ZC3H7B: variants seen among roughly 807,000 people sequenced by gnomAD.
ZC3H7B encodes zinc finger CCCH-type containing 7B.
In ZC3H7B, 35 loss-of-function variants were observed where a neutral mutation model predicts 116.0. The observed-to-expected ratio is 0.30, with a 90% CI of 0.23 to 0.40. The LOEUF (loss-of-function observed/expected upper bound fraction) is 0.40, where lower values mean the gene tolerates loss of function less well. Ranked by LOEUF, ZC3H7B falls within the 10% of genes least tolerant of loss-of-function variation. The pLI is 1.00. For missense variants in ZC3H7B, 1,011 were observed against 1,321.5 expected, an observed-to-expected ratio of 0.77 and a Z score of 3.64; for synonymous variants, 502 against 545.6, an observed-to-expected ratio of 0.92 and a Z score of 1.11.
chr22:41,341,784 C>T (rs2036525937), intron 11 of ZC3H7B, among the ~76,000 whole-genome samples: 1 of 151,614 alleles, frequency 6.6e-6, no homozygotes, highest in African/African-American at 2.4e-5. Context: ...TGATGAGGGG[C>T]CAGGCGTGGT....
In ZC3H7B at chr22:41,348,172, G is replaced by C; in HGVS notation, c.1766+5G>C. The stretch of plus-strand genomic sequence containing the variant: ...GCACAGCTTCTACAACAACAAGTGA[G>C]TGGGACCCTCAGCCCAGGCTGAGGC... On this transcript the variant is annotated splice_donor_5th_base_variant and intron_variant, in intron 15 of 22. Transcript: ENST00000352645. 1 of 1,613,416 alleles carries C rather than the reference G, an allele frequency of 6.2e-7. No individual in the cohort carries two copies. The highest frequency in any genetic ancestry group is 8.5e-7 in the Non-Finnish European group (1 of 1,179,606).
At chr22:41,321,633 G>C (rs2036257592) in intron 2 of ZC3H7B, among the ~76,000 whole-genome samples, 1 of 151,820 alleles carries the variant, frequency 6.6e-6, no homozygotes, top group African/African-American at 2.4e-5. Context: ...TTACAGACAT[G>C]AGTCACTGTG....
chr22:41,314,238 C>T (rs1374330097), intron 1 of ZC3H7B, among the ~76,000 whole-genome samples: 1 of 151,616 alleles, frequency 6.6e-6, no homozygotes, highest in Admixed American at 6.6e-5. Flanking sequence ...CTCACTGCAA[C>T]CTCTGCCTCC....
chr22:41,334,536 A>AG (rs3215566), intron 7 of ZC3H7B: 64,199 of 152,196 alleles, frequency 0.42, 16,430 homozygotes, highest in African/African-American at 0.69. Flanking sequence ...AGAGGTCAGG[A>AG]GGGCATGGTT....
chr22:41,321,524 A>AT (rs1889279580), intron 2 of ZC3H7B, among the ~76,000 whole-genome samples: 1 of 149,876 alleles, frequency 6.7e-6, no homozygotes, highest in African/African-American at 2.5e-5. Context: ...CATTTAAAAA[A>AT]TTTTTTTGTA....
At position 41,351,997 on chromosome 22, in the gene ZC3H7B, A is replaced by AT. The variant is rs1250303719; in HGVS notation, c.2034+357dup. On this transcript the variant is annotated intron_variant, in intron 17 of 22. Coordinates refer to ENST00000352645, the MANE Select transcript of ZC3H7B (RefSeq NM_017590.6). The surrounding 1 kb of genome is among the most constrained non-coding windows in gnomAD (Gnocchi z 5.1). ...ACCACCACACCTGGCTGATTTGTCTATTTTTTAAGACCGTGGGTCTGGGGA... is the reference window on the plus strand; with the variant it reads ...ACCACCACACCTGGCTGATTTGTCTATTTTTTTAAGACCGTGGGTCTGGGGA... 1.3e-5 allele frequency among the ~76,000 whole-genome samples: 2 copies of AT among 151,800 alleles called. No individual in the cohort carries two copies. Among genetic ancestry groups the AT allele is most frequent in the East Asian group, 3.9e-4 (2 of 5,156 alleles).
Position 41,340,284 on chromosome 22 carries a change from G to A in ZC3H7B, c.1138+147G>A, listed in dbSNP as rs139108669. On this transcript the variant is annotated intron_variant, in intron 10 of 22. Transcript: ENST00000352645. ...TCCCAGGCCATGTCTGTGTGTTGCCGTCTCTGCAGTGCTCAGCACAGTGTG... is the reference window on the plus strand; with the variant it reads ...TCCCAGGCCATGTCTGTGTGTTGCCATCTCTGCAGTGCTCAGCACAGTGTG... 1.4e-4 allele frequency: 127 copies of A among 886,862 alleles called. No individual in the cohort carries two copies. In the Middle Eastern group the frequency reaches 3.9e-3, roughly 27 times the overall value. The allele number at this position is 886,862 out of a possible 1,614,324, so 54.9% of individuals were successfully genotyped here. A position where few individuals can be genotyped will look rare whatever the true frequency, so the allele number is the denominator to read the frequency against.
intron 12 of ZC3H7B, 117 bp from the exon 13 acceptor site, chr22:41,343,298 C>G: frequency 1.5e-6 from 2 of 1,351,840 alleles, no homozygotes; most frequent in South Asian, 2.9e-5. Flanking sequence ...AGGAGGCCCT[C>G]AGAGGGGAGG....
At chr22:41,318,241 C>A (rs1369706770) in intron 1 of ZC3H7B, among the ~76,000 whole-genome samples, 1 of 151,188 alleles carries the variant, frequency 6.6e-6, no homozygotes, top group Non-Finnish European at 1.5e-5. Flanking sequence ...TTAAGACCAG[C>A]CTGAGAGGCT....
intron 1 of ZC3H7B, among the ~76,000 whole-genome samples, chr22:41,314,984 A>G (rs1000555280): frequency 8.1e-6 from 1 of 124,014 alleles, no homozygotes; most frequent in Admixed American, 7.8e-5. Context: ...AATTTAAAAA[A>G]TCTGATCCTG....
chr22:41,327,467 T>C lies in ZC3H7B; in HGVS notation c.444+103T>C. 6.9e-7 allele frequency: 1 copy of C among 1,450,790 alleles called. No homozygotes were observed. The highest frequency in any genetic ancestry group is 9.3e-7 in the Non-Finnish European group (1 of 1,073,138). The allele number at this position is 1,450,790 out of a possible 1,614,324, so 89.9% of individuals were successfully genotyped here. Reference sequence around the variant, plus strand: ...GCCACCACATCCTTCTGTGTCTCACTTCCTCCCCTGTGACATGGCCATGCA... The same window carrying C: ...GCCACCACATCCTTCTGTGTCTCACCTCCTCCCCTGTGACATGGCCATGCA... On this transcript the variant is annotated intron_variant, in intron 5 of 22. Transcript: ENST00000352645. This position sits in a 1 kb window ranked among gnomAD's most constrained non-coding sequence, Gnocchi z 4.5.
At chr22:41,332,601 T>C (rs1194047447) in intron 7 of ZC3H7B, 1 of 211,610 alleles carries the variant, frequency 4.7e-6, no homozygotes, top group Non-Finnish European at 9.5e-6. Flanking sequence ...TTCCCCACCC[T>C]GCCTTTCTCT....
chr22:41,325,669 C>T, intron 3 of ZC3H7B, 52 bp from the exon 4 acceptor site: 1 of 1,607,796 alleles, frequency 6.2e-7, no homozygotes, highest in Non-Finnish European at 8.5e-7. Flanking sequence ...GGGCCGGGTG[C>T]CAGAGCTGGG....
chr22:41,332,549 C>A (rs2036396470), intron 7 of ZC3H7B: 1 of 324,308 alleles, frequency 3.1e-6, no homozygotes, highest in East Asian at 6.0e-5. Context: ...TCTCACCAGC[C>A]TTTCTGCAGG....
chr22:41,312,826 G>A (rs762609589), intron 1 of ZC3H7B, among the ~76,000 whole-genome samples: 2 of 152,074 alleles, frequency 1.3e-5, no homozygotes, highest in Non-Finnish European at 2.9e-5. Flanking sequence ...TGGGAGGATC[G>A]CTTGAGCCTG....
At chr22:41,308,816 G>A (rs1231543270) in intron 1 of ZC3H7B, among the ~76,000 whole-genome samples, 1 of 152,112 alleles carries the variant, frequency 6.6e-6, no homozygotes, top group African/African-American at 2.4e-5. Context: ...TTGCTTGGGT[G>A]TTGCAGCCAC....
At chr22:41,328,818 G>A (rs764048718) in intron 5 of ZC3H7B, among the ~76,000 whole-genome samples, 2 of 152,022 alleles carry the variant, frequency 1.3e-5, no homozygotes, top group African/African-American at 4.8e-5. Flanking sequence ...GTCACTTGCT[G>A]GGGGTTGCAG....
In ZC3H7B at chr22:41,349,267, C is replaced by T. The variant is rs762976310; in HGVS notation, c.1914C>T (p.Ile638=). 4.5e-5 allele frequency: 73 copies of T among 1,613,614 alleles called. No homozygotes were observed. The highest frequency in any genetic ancestry group is 1.6e-4 in the Middle Eastern group (1 of 6,084). ...GCTGCCACTTCGCCCACAGCTTCAT[C>T]GAGCTCAAGGTCTGGCTGCTGCAGC... ...EDSCHFAHSF[I]ELKVWLLQQY... The change falls in exon 16 of 23, where the codon ATC becomes ATT. Residue 638 remains isoleucine (I), a synonymous_variant. Coordinates refer to ENST00000352645, the MANE Select transcript of ZC3H7B (RefSeq NM_017590.6). This position sits in a 1 kb window ranked among gnomAD's most constrained non-coding sequence, Gnocchi z 4.9.
intron 1 of ZC3H7B, among the ~76,000 whole-genome samples, chr22:41,317,030 T>C (rs2036194097): frequency 6.6e-6 from 1 of 152,062 alleles, no homozygotes; most frequent in Non-Finnish European, 1.5e-5. Context: ...GTATTCTTAG[T>C]AGAGACAGTG....
Sources: allele counts gnomAD v4.1 joint callset (sites outside exome capture counted in the v4.1 genomes callset), GRCh38; gene constraint gnomAD v4.1.1; non-coding constraint Gnocchi (gnomAD v3.1); transcripts MANE v1.5; gene names NCBI Gene and HGNC (gene_info 2026-07-23, HGNC 2026-07-21).